DHDH: variants seen among roughly 807,000 people sequenced by gnomAD.
DHDH encodes dihydrodiol dehydrogenase.
DHDH carries 29 observed loss-of-function variants against 33.2 expected under a neutral mutation model. The observed-to-expected ratio is 0.87, with a 90% CI of 0.65 to 1.19. The LOEUF (loss-of-function observed/expected upper bound fraction) is 1.19, where lower values mean the gene tolerates loss of function less well. DHDH is among the 50% of genes most tolerant of loss of function. The pLI is 0.00. For synonymous variants in DHDH, 201 were observed against 187.9 expected (o/e 1.07, Z -0.57); for missense variants, 431 against 455.0 (o/e 0.95, Z 0.48).
chr19:48,940,850 T>C (rs2037848773), intron 4 of DHDH, among the ~76,000 whole-genome samples: 1 of 152,148 alleles, frequency 6.6e-6, no homozygotes, highest in African/African-American at 2.4e-5. Context: ...AGCCAGACCC[T>C]GTCTCCTTTT....
chr19:48,941,988 G>A (rs770161823), intron 4 of DHDH, among the ~76,000 whole-genome samples: 1 of 32,598 alleles, frequency 3.1e-5, no homozygotes, highest in African/African-American at 4.7e-5. Flanking sequence ...TGTACTTCGT[G>A]TGTGTGTGTG....
intron 5 of DHDH, among the ~76,000 whole-genome samples, chr19:48,942,880 C>T (rs866830842): frequency 2.0e-5 from 3 of 151,502 alleles, no homozygotes; most frequent in Non-Finnish European, 4.4e-5. Context: ...CATGGTGAAA[C>T]GCCATCTCTA....
chr19:48,942,510 C>A lies in DHDH; in HGVS notation c.690C>A (p.Ile230=). Residue 230 remains isoleucine, a synonymous_variant, in exon 5 of 7, where the codon ATC becomes ATA. Transcript: ENST00000221403. ...TCCATGGCAGCTTCACCTGCAGCAT[C>A]ACCGTGCAGCTCTCCAACACGGCCT... ...GEVHGSFTCS[I]TVQLSNTASV... 1 of 1,613,874 alleles carries A rather than the reference C, an allele frequency of 6.2e-7. No homozygotes were observed. Among genetic ancestry groups the A allele is most frequent in the Non-Finnish European group, 8.5e-7 (1 of 1,179,932 alleles).
upstream of DHDH, among the ~76,000 whole-genome samples, chr19:48,933,168 A>G (rs1015259370): frequency 6.6e-6 from 1 of 152,194 alleles, no homozygotes; most frequent in Non-Finnish European, 1.5e-5. Flanking sequence ...GGACAATAGA[A>G]GCTACTTCCC....
chr19:48,941,331 C>T (rs921194061), intron 4 of DHDH, among the ~76,000 whole-genome samples: 1 of 152,138 alleles, frequency 6.6e-6, no homozygotes, highest in South Asian at 2.1e-4. Flanking sequence ...GGCCCATTGG[C>T]CAAAGCAAGT....
chr19:48,933,583 T>TG, upstream of DHDH: 1 of 745,044 alleles, frequency 1.3e-6, no homozygotes, highest in Non-Finnish European at 2.3e-6. Context: ...ATGACCGCTC[T>TG]GCCGACTGGA....
At position 48,933,820 on chromosome 19, in the gene DHDH, G is replaced by C. The variant is rs775662314; in HGVS notation, c.90+9G>C. On this transcript the variant is annotated intron_variant, in intron 1 of 6. Transcript: ENST00000221403. ...CTCGCTCTGAGCACCAGGTCTGCCCGCCCTCCGGATTCTGGGGAAGAGGAG... is the reference window on the plus strand; with the variant it reads ...CTCGCTCTGAGCACCAGGTCTGCCCCCCCTCCGGATTCTGGGGAAGAGGAG... 6.2e-7 allele frequency: 1 copy of C among 1,606,710 alleles called. No homozygotes were observed. The highest frequency in any genetic ancestry group is 1.3e-5 in the African/African-American group (1 of 74,890).
rs1357017240 is a variant in DHDH at position 48,933,735 on chromosome 19, G to A, written c.14G>A (p.Trp5Ter). The change falls in exon 1 of 7, where the codon TGG (tryptophan) becomes TAG (stop). Residue 5 changes from tryptophan (W) to a stop codon, truncating the protein, a stop_gained. Coordinates refer to ENST00000221403, the MANE Select transcript of DHDH (RefSeq NM_014475.4). LOFTEE classifies it high-confidence loss of function. Reference sequence around the variant, plus strand: ...CGCATCGCAACCATGGCGCTGCGCTGGGGCATCGTGTCTGTCGGCCTCATC... The same window carrying A: ...CGCATCGCAACCATGGCGCTGCGCTAGGGCATCGTGTCTGTCGGCCTCATC... The part of the protein sequence containing the change: MALR[W>*]GIVSVGLISS... 8 of 1,613,376 alleles carry A rather than the reference G, an allele frequency of 5.0e-6. No individual in the cohort carries two copies. The highest frequency in any genetic ancestry group is 1.3e-5 in the African/African-American group (1 of 75,046).
intron 1 of DHDH, 136 bp downstream of exon 1, chr19:48,933,947 C>T: frequency 1.4e-6 from 1 of 727,058 alleles, no homozygotes; most frequent in Non-Finnish European, 2.3e-6. Flanking sequence ...CTTGCTACCT[C>T]CTTCTCCATC....
At chr19:48,941,684 T>C (rs1046348545) in intron 4 of DHDH, among the ~76,000 whole-genome samples, 5 of 150,970 alleles carry the variant, frequency 3.3e-5, no homozygotes, top group African/African-American at 9.8e-5. Context: ...GCTTTTTTTT[T>C]TTTTTTTTGA....
At chr19:48,936,844 C>T (rs1361107960) in intron 3 of DHDH, among the ~76,000 whole-genome samples, 2 of 151,714 alleles carry the variant, frequency 1.3e-5, no homozygotes, top group African/African-American at 4.8e-5. Flanking sequence ...AGTGCAGTGG[C>T]GCGATCTCGG....
intron 5 of DHDH, among the ~76,000 whole-genome samples, chr19:48,943,929 A>G (rs2037902748): frequency 6.6e-6 from 1 of 152,054 alleles, no homozygotes; most frequent in Admixed American, 6.6e-5. Flanking sequence ...CAGGAGGTGG[A>G]GGTTGCAGTG....
chr19:48,942,928 G>A (rs751581006), intron 5 of DHDH, among the ~76,000 whole-genome samples: 6 of 151,912 alleles, frequency 3.9e-5, no homozygotes, highest in South Asian at 2.1e-4. Context: ...GGTGGTGGGC[G>A]CCTGTAATCC....
chr19:48,939,363 C>G, intron 3 of DHDH, 86 bp from the exon 4 acceptor site: 5 of 1,471,834 alleles, frequency 3.4e-6, no homozygotes, highest in Non-Finnish European at 4.6e-6. Flanking sequence ...TGTTTGGAGA[C>G]TGGGTTGCAG....
intron 5 of DHDH, among the ~76,000 whole-genome samples, chr19:48,943,724 G>T (rs775976618): frequency 6.6e-6 from 1 of 152,004 alleles, no homozygotes; most frequent in Non-Finnish European, 1.5e-5. Flanking sequence ...TACTCAGGAG[G>T]CTGAGGCAGG....
intron 3 of DHDH, among the ~76,000 whole-genome samples, chr19:48,938,051 GTC>G (rs2037805309): frequency 6.6e-6 from 1 of 152,010 alleles, no homozygotes; most frequent in Non-Finnish European, 1.5e-5. Context: ...CCTGTTCTCT[GTC>G]TCTCTAGACT....
chr19:48,940,971 G>A (rs1326792282), intron 4 of DHDH, among the ~76,000 whole-genome samples: 1 of 147,800 alleles, frequency 6.8e-6, no homozygotes, highest in Admixed American at 6.7e-5. Context: ...TGTGGCCACC[G>A]CCCCCGGCAA....
At chr19:48,941,848 T>C (rs1198438646) in intron 4 of DHDH, among the ~76,000 whole-genome samples, 1 of 151,720 alleles carries the variant, frequency 6.6e-6, no homozygotes, top group African/African-American at 2.4e-5. Flanking sequence ...AAATTTTTTA[T>C]TTTTTGTAGA....
rs2037918851 is a variant in DHDH, at chr19:48,944,828, G to A, written c.900G>A (p.Met300Ile). Residue 300 changes from methionine to isoleucine, a missense_variant, in exon 7 of 7, where the codon ATG becomes ATA. Met to Ile is a conservative substitution (Grantham distance 10). Transcript: ENST00000221403. ...CTAACTACACTCTCCCCACAGGTAT[G>A]AAGGAAAGTCCTGTGATTCCCCTGT... ...KHVWECLRKG[M>I]KESPVIPLSE... The A allele has an allele frequency of 1.2e-6, 2 of 1,613,048 alleles. No homozygotes were observed. The highest frequency in any genetic ancestry group is 8.5e-7 in the Non-Finnish European group (1 of 1,179,752).
Sources: allele counts gnomAD v4.1 joint callset (sites outside exome capture counted in the v4.1 genomes callset), GRCh38; gene constraint gnomAD v4.1.1; transcripts MANE v1.5; gene names NCBI Gene and HGNC (gene_info 2026-07-23, HGNC 2026-07-21).